DNASE1: variants seen among roughly 807,000 people sequenced by gnomAD.
DNASE1 encodes the protein deoxyribonuclease 1, also known as deoxyribonuclease-1.
DNASE1 carries 40 observed loss-of-function variants against 33.9 expected under a neutral mutation model. That is an observed-to-expected ratio of 1.18 (90% CI 0.92 to 1.54). The LOEUF is 1.54. Among genes scored for constraint, DNASE1 ranks in the 40% most tolerant of loss-of-function variants. DNASE1 has a pLI of 0.00. For missense variants in DNASE1, 518 were observed against 372.6 expected, an observed-to-expected ratio of 1.39 and a Z score of -3.21; for synonymous variants, 216 against 160.0, an observed-to-expected ratio of 1.35 and a Z score of -2.64.
At chr16:3,619,337 G>A (rs2041221415) in intron 1 of DNASE1, among the ~76,000 whole-genome samples, 2 of 137,904 alleles carry the variant, frequency 1.5e-5, no homozygotes, top group Non-Finnish European at 3.2e-5. Flanking sequence ...TGCCTGGCCT[G>A]TGGGTAATTT....
rs532365140 is a variant in DNASE1, at chr16:3,614,191, T to C, written c.-1359+2185T>C. ...CCTCCCAGAGTGCTGGGATTACAGG[T>C]GTGAGCCACCGCGCCCGGCGTAATT... On this transcript the variant is annotated intron_variant and NMD_transcript_variant, in intron 1 of 11. Transcript: ENST00000570769. Among the ~76,000 whole-genome samples the C allele has an allele frequency of 2.6e-5, 4 of 151,938 alleles. No homozygotes were observed. In the East Asian group the frequency reaches 5.8e-4, roughly 22 times the overall value.
At chr16:3,663,118 C>T in exon 10 of DNASE1, 1 of 698,528 alleles carries the variant, frequency 1.4e-6, no homozygotes, top group South Asian at 1.9e-5. Flanking sequence ...AAAGTAAAAC[C>T]TCAAAGGATG....
chr16:3,658,894 A>G (rs1457904805), downstream of DNASE1: 1 of 1,612,490 alleles, frequency 6.2e-7, no homozygotes, highest in Non-Finnish European at 8.5e-7. Flanking sequence ...CAGAAAAAGC[A>G]GCTCAGTACC....
chr16:3,625,081 C>T (rs530177453), intron 1 of DNASE1, among the ~76,000 whole-genome samples: 301 of 152,094 alleles, frequency 2.0e-3, no homozygotes, highest in African/African-American at 6.7e-3. Context: ...CCTAGGCGGG[C>T]GGATCACCTG....
chr16:3,630,020 TG>T (rs1325072457), intron 1 of DNASE1, among the ~76,000 whole-genome samples: 1 of 152,050 alleles, frequency 6.6e-6, no homozygotes, highest in Non-Finnish European at 1.5e-5. Context: ...GATTTTACCA[TG>T]TTGGCCAGAC....
chr16:3,619,675 A>T (rs1034831710), intron 1 of DNASE1, among the ~76,000 whole-genome samples: 1 of 149,686 alleles, frequency 6.7e-6, no homozygotes, highest in Non-Finnish European at 1.5e-5. Flanking sequence ...GTAGGTAATT[A>T]AAAAAAAAAT....
chr16:3,651,549 G>A (rs976643558), upstream of DNASE1: 5 of 152,302 alleles, frequency 3.3e-5, no homozygotes, highest in African/African-American at 1.2e-4. Context: ...CCCCTGATGT[G>A]GGGCTTGGAC....
At chr16:3,618,781 G>T (rs1555454189) in intron 1 of DNASE1, among the ~76,000 whole-genome samples, 1 of 152,138 alleles carries the variant, frequency 6.6e-6, no homozygotes, top group Non-Finnish European at 1.5e-5. Flanking sequence ...CAGTCTAAAT[G>T]CCCTTCAGTG....
upstream of DNASE1, among the ~76,000 whole-genome samples, chr16:3,650,454 A>G (rs79014791): frequency 3.9e-4 from 60 of 152,322 alleles, 1 homozygote; most frequent in East Asian, 8.3e-3. Context: ...TTTGGCCCCA[A>G]TGAGCTATTT....
intron 1 of DNASE1, among the ~76,000 whole-genome samples, chr16:3,620,591 C>G (rs1173829390): frequency 6.6e-6 from 1 of 151,718 alleles, no homozygotes; most frequent in African/African-American, 2.4e-5. Context: ...AGATAGGAAG[C>G]CATATTATAT....
At chr16:3,621,585 G>C (rs1408655775) in intron 1 of DNASE1, among the ~76,000 whole-genome samples, 1 of 152,040 alleles carries the variant, frequency 6.6e-6, no homozygotes, top group Non-Finnish European at 1.5e-5. Context: ...TAAATAAACG[G>C]TAGCACATTT....
chr16:3,626,049 G>A (rs1422278676), intron 1 of DNASE1, among the ~76,000 whole-genome samples: 12 of 151,690 alleles, frequency 7.9e-5, no homozygotes, highest in South Asian at 4.2e-4. Flanking sequence ...ATAGTGAGCC[G>A]TGATTCTGCC....
downstream of DNASE1, chr16:3,660,419 C>T (rs1412065132): frequency 6.6e-6 from 1 of 152,226 alleles, no homozygotes; most frequent in Non-Finnish European, 1.5e-5. Context: ...GCAGTGAGCT[C>T]TGATGGCGCC....
upstream of DNASE1, among the ~76,000 whole-genome samples, chr16:3,642,556 C>T (rs188672343): frequency 1.6e-3 from 237 of 152,184 alleles, 2 homozygotes; most frequent in Non-Finnish European, 2.4e-3. Context: ...GCACCTGCCA[C>T]GGCCCAGGCC....
downstream of DNASE1, chr16:3,662,127 G>A (rs372022445): frequency 1.2e-6 from 2 of 1,611,628 alleles, no homozygotes; most frequent in East Asian, 2.2e-5. Context: ...CCAGTCGGAG[G>A]GTCACCTGTG....
At chr16:3,655,242 G>T in intron 1 of DNASE1, 131 bp from the exon 2 acceptor site, 2 of 1,293,444 alleles carry the variant, frequency 1.5e-6, no homozygotes, top group Non-Finnish European at 2.1e-6. Flanking sequence ...GTAGGAAAGG[G>T]TTTCCCCCGC....
At chr16:3,650,854 A>G (rs770643516), upstream of DNASE1, 1 of 152,226 alleles carries the variant, frequency 6.6e-6, no homozygotes. Context: ...CGACCTTCAC[A>G]GTAATTGCTT....
upstream of DNASE1, chr16:3,652,832 C>T (rs990277427): frequency 1.3e-5 from 2 of 152,350 alleles, no homozygotes; most frequent in Non-Finnish European, 2.9e-5. Flanking sequence ...TTGAGGCCTC[C>T]TGCAGACCCC....
rs8176919 is a variant in DNASE1, at chr16:3,656,696, G to A, written c.379G>A (p.Gly127Arg). ...YYYDDGCEPC[G>R]NDTFNREPAI... is the part of the protein sequence containing the mutation. Reference sequence around the variant, plus strand: ...CTACGATGATGGCTGCGAGCCCTGCGGGAACGACACCTTCAACCGAGAGCC... The same window carrying A: ...CTACGATGATGGCTGCGAGCCCTGCAGGAACGACACCTTCAACCGAGAGCC... The change falls in exon 5 of 9, where the codon GGG (glycine) becomes AGG (arginine). Residue 127 changes from glycine (G) to arginine (R), a missense_variant. Physicochemically the swap from Gly to Arg is moderately radical, Grantham distance 125 (BLOSUM62 -2). Coordinates refer to ENST00000246949, the MANE Select transcript of DNASE1 (RefSeq NM_005223.4). 5.3e-3 allele frequency: 8,540 copies of A among 1,613,252 alleles called. 168 individuals carry two copies. The African/African-American group carries it at 0.06, about 11-fold the overall frequency.
Sources: allele counts gnomAD v4.1 joint callset (sites outside exome capture counted in the v4.1 genomes callset), GRCh38; gene constraint gnomAD v4.1.1; transcripts MANE v1.5; gene names NCBI Gene and HGNC (gene_info 2026-07-23, HGNC 2026-07-21).